The following XIRP2 variants were observed in gnomAD, a reference collection of about 807,000 sequenced individuals.
XIRP2 encodes the protein xin actin binding repeat containing 2.
A neutral mutation model predicts 277.0 loss-of-function variants in XIRP2; 236 were observed. The observed-to-expected ratio is 0.85, with a 90% CI of 0.77 to 0.95. The LOEUF (loss-of-function observed/expected upper bound fraction) is 0.95. Among genes scored for constraint, XIRP2 ranks in the 40% least tolerant of loss-of-function variants. The pLI is 0.00. For missense variants in XIRP2, 4,640 were observed against 4,157.5 expected, an observed-to-expected ratio of 1.12 and a Z score of -3.19; for synonymous variants, 1,490 against 1,416.5, an observed-to-expected ratio of 1.05 and a Z score of -1.17.
At chr2:167,144,073 AC>A (rs1691799082) in intron 3 of XIRP2, among the ~76,000 whole-genome samples, 1 of 152,030 alleles carries the variant, frequency 6.6e-6, no homozygotes, top group South Asian at 2.1e-4. Flanking sequence ...TAACTTTTAA[AC>A]CTAACTTCTT....
intron 2 of XIRP2, among the ~76,000 whole-genome samples, chr2:167,013,865 A>T (rs557081298): frequency 1.3e-5 from 2 of 151,152 alleles, no homozygotes; most frequent in East Asian, 1.9e-4. Context: ...TGCATTGGGT[A>T]ATTAGATTCC....
chr2:167,210,971 G>A, intron 4 of XIRP2, 76 bp downstream of exon 4: 1 of 1,554,682 alleles, frequency 6.4e-7, no homozygotes, highest in Non-Finnish European at 8.8e-7. Flanking sequence ...TATTTGAAAT[G>A]TAAGAATACT....
At chr2:166,937,281 G>A (rs1301589862) in intron 2 of XIRP2, among the ~76,000 whole-genome samples, 1 of 152,136 alleles carries the variant, frequency 6.6e-6, no homozygotes, top group Non-Finnish European at 1.5e-5. Context: ...CTAATTTATT[G>A]AGATTTTTAG....
intron 2 of XIRP2, among the ~76,000 whole-genome samples, chr2:167,073,175 T>A (rs1689477034): frequency 6.6e-6 from 1 of 152,146 alleles, no homozygotes. Context: ...AAATGATTTA[T>A]CTTTTTCTCT....
chr2:167,220,939 C>G lies in XIRP2; in HGVS notation c.858+2639C>G, dbSNP rs189478954. ...GTATGAAAGTAATAAAAATCATGCC[C>G]TAGAATTCTGAATATTTGCATGAAT... On this transcript the variant is annotated intron_variant, in intron 5 of 10. Coordinates refer to ENST00000409195, the MANE Select transcript of XIRP2 (RefSeq NM_152381.6). 3.9e-5 allele frequency among the ~76,000 whole-genome samples: 6 copies of G among 152,228 alleles called. No homozygotes were observed. The East Asian group carries it at 1.2e-3, about 29-fold the overall frequency.
At chr2:167,239,724 A>G in intron 5 of XIRP2, 131 bp from the exon 6 acceptor site, 1 of 732,764 alleles carries the variant, frequency 1.4e-6, no homozygotes, top group Non-Finnish European at 2.2e-6. Context: ...AATTTGTTAT[A>G]GCAGCCAAGA....
At chr2:167,034,821 T>C (rs549451086) in intron 2 of XIRP2, among the ~76,000 whole-genome samples, 6 of 152,236 alleles carry the variant, frequency 3.9e-5, no homozygotes, top group Non-Finnish European at 8.8e-5. Flanking sequence ...ATTGACCTGA[T>C]ATGGTTTGGC....
intron 2 of XIRP2, among the ~76,000 whole-genome samples, chr2:167,017,950 CA>C: frequency 6.6e-6 from 1 of 152,088 alleles, no homozygotes. Context: ...CTCTTGAGTT[CA>C]ATGAATGTAA....
intron 2 of XIRP2, among the ~76,000 whole-genome samples, chr2:167,024,941 A>T (rs917123453): frequency 2.0e-5 from 3 of 152,050 alleles, no homozygotes; most frequent in Admixed American, 6.6e-5. Flanking sequence ...TCTGCCAGGC[A>T]TTGGTATCAG....
At chr2:166,946,142 T>A (rs905222235) in intron 2 of XIRP2, among the ~76,000 whole-genome samples, 11 of 152,326 alleles carry the variant, frequency 7.2e-5, no homozygotes, top group African/African-American at 2.6e-4. Context: ...ATGACAATTA[T>A]GATTTCTAGA....
chr2:166,961,713 A>AT (rs1264014721), intron 2 of XIRP2, among the ~76,000 whole-genome samples: 2 of 151,784 alleles, frequency 1.3e-5, no homozygotes, highest in African/African-American at 4.8e-5. Flanking sequence ...GATTGACCAG[A>AT]TTTTTAATCC....
At chr2:167,011,452 T>C (rs1422809641) in intron 2 of XIRP2, among the ~76,000 whole-genome samples, 1 of 151,378 alleles carries the variant, frequency 6.6e-6, no homozygotes, top group East Asian at 1.9e-4. Context: ...AGGTTTTTGA[T>C]GTGCTGCTGG....
chr2:167,246,297 G>C lies in XIRP2; in HGVS notation c.4905G>C (p.Leu1635Phe). 1 of 1,613,212 alleles carries C rather than the reference G, an allele frequency of 6.2e-7. No individual in the cohort carries two copies. Among genetic ancestry groups the C allele is most frequent in the Non-Finnish European group, 8.5e-7 (1 of 1,179,640 alleles). The stretch of plus-strand genomic sequence containing the variant: ...AAGAAGAGAAGGGAAATGTTAATTT[G>C]ACTAAAACTCAATTATTAAACAGAT... ...ISEEEKGNVN[L>F]TKTQLLNRST... is the part of the protein sequence containing the mutation. Residue 1635 changes from leucine (L) to phenylalanine (F), a missense_variant, in exon 9 of 11, where the codon TTG becomes TTC. Transcript: ENST00000409195.
intron 5 of XIRP2, among the ~76,000 whole-genome samples, chr2:167,220,857 G>A (rs964052237): frequency 1.3e-5 from 2 of 152,006 alleles, no homozygotes; most frequent in African/African-American, 2.4e-5. Flanking sequence ...TCTACTCTAC[G>A]GTCCTTGCAA....
intron 1 of XIRP2, among the ~76,000 whole-genome samples, chr2:166,900,791 T>A (rs938681746): frequency 2.6e-5 from 4 of 152,034 alleles, no homozygotes; most frequent in African/African-American, 9.7e-5. Context: ...TACCAGTGGA[T>A]GATGAAGAAA....
In XIRP2 at chr2:167,258,777, C is replaced by A. The variant is rs746206744; in HGVS notation, c.*960C>A. On this transcript the variant is annotated 3_prime_UTR_variant, in exon 11 of 11. Coordinates refer to ENST00000409195, the MANE Select transcript of XIRP2 (RefSeq NM_152381.6). ...TTGTCGAGTGAAGCAAATGACACTG[C>A]AAATGAATATGAAATTGAGAAGTTA... 1.2e-6 allele frequency: 2 copies of A among 1,613,226 alleles called. No homozygotes were observed. Among genetic ancestry groups the A allele is most frequent in the South Asian group, 2.2e-5 (2 of 91,058 alleles).
At chr2:167,160,784 C>T (rs909864084) in intron 3 of XIRP2, among the ~76,000 whole-genome samples, 1 of 152,128 alleles carries the variant, frequency 6.6e-6, no homozygotes, top group African/African-American at 2.4e-5. Context: ...CATTTCAAAA[C>T]CAGTGCCTTC....
At chr2:167,026,581 A>G (rs1688167452) in intron 2 of XIRP2, among the ~76,000 whole-genome samples, 1 of 152,142 alleles carries the variant, frequency 6.6e-6, no homozygotes. Flanking sequence ...ATGTTTTTGC[A>G]GTGGCTGGTA....
chr2:167,252,737 A>G (rs1695551884), intron 9 of XIRP2, among the ~76,000 whole-genome samples: 1 of 151,972 alleles, frequency 6.6e-6, no homozygotes. Context: ...ATGATAAAAG[A>G]ATTTTATATA....
Sources: gnomAD v4.1 joint callset for allele counts (sites outside exome capture counted in the v4.1 genomes callset) on GRCh38, gnomAD v4.1.1 for gene constraint, MANE v1.5 for transcripts, NCBI Gene and HGNC (gene_info 2026-07-23, HGNC 2026-07-21) for gene names.